Variants in TRIM51 observed in about 807,000 individuals in gnomAD.
TRIM51 encodes tripartite motif-containing 51.
Under a neutral mutation model 32.7 loss-of-function variants are expected in TRIM51, and 23 were observed. That is an observed-to-expected ratio of 0.70 (90% confidence interval 0.51 to 1.00). The LOEUF is 1.00. Among genes scored for constraint, TRIM51 ranks in the 50% least tolerant of loss-of-function variants. The pLI is 0.00. For missense variants in TRIM51, 592 were observed against 539.2 expected (o/e 1.10, Z -0.97); for synonymous variants, 177 against 181.9 (o/e 0.97, Z 0.22).
chr11:55,888,133 G>A lies in TRIM51; in HGVS notation c.609G>A (p.Lys203=). The A allele has an allele frequency of 1.2e-6, 2 of 1,613,718 alleles. No homozygotes were observed. The highest frequency in any genetic ancestry group is 1.7e-6 in the Non-Finnish European group (2 of 1,179,692). Residue 203 remains lysine, a synonymous_variant, in exon 4 of 7, where the codon AAG becomes AAA. Transcript: ENST00000449290. ...EEQHHLERLR[K]EGEDIFQQLN... The stretch of plus-strand genomic sequence containing the variant: ...AACATCACTTGGAAAGGCTGCGAAA[G>A]GAGGGCGAGGACATTTTTCAGCAAC...
chr11:55,885,908 G>A (rs965059714), intron 2 of TRIM51, 69 bp downstream of exon 2: 62 of 1,605,266 alleles, frequency 3.9e-5, no homozygotes, highest in Non-Finnish European at 4.9e-5. Flanking sequence ...TATTTCCTTC[G>A]AGATTGGATG....
chr11:55,886,463 C>T (rs1332597087), intron 3 of TRIM51, among the ~76,000 whole-genome samples: 1 of 152,116 alleles, frequency 6.6e-6, no homozygotes, highest in Non-Finnish European at 1.5e-5. Flanking sequence ...ATAGCAATAC[C>T]CCAGCAAATA....
At position 55,891,312 on chromosome 11, in the gene TRIM51, A is replaced by G. The variant is rs763697487; in HGVS notation, c.1039A>G (p.Met347Val). ...TSGKYYWEVH[M>V]GDSWNWAFGV... ...TGGCAAATATTATTGGGAGGTTCAT[A>G]TGGGGGACTCTTGGAATTGGGCTTT... The change falls in exon 7 of 7, where the codon ATG (methionine) becomes GTG (valine). Residue 347 changes from methionine (M) to valine (V), a missense_variant. Transcript: ENST00000449290. The G allele has an allele frequency of 5.6e-6, 9 of 1,611,078 alleles. No homozygotes were observed. The highest frequency in any genetic ancestry group is 4.0e-5 in the African/African-American group (3 of 74,824).
At position 55,888,139 on chromosome 11, in the gene TRIM51, C is replaced by A. The variant is rs141719000; in HGVS notation, c.615C>A (p.Gly205=). 6 of 1,613,588 alleles carry A rather than the reference C, an allele frequency of 3.7e-6. No individual in the cohort carries two copies. Among genetic ancestry groups the A allele is most frequent in the Non-Finnish European group, 4.2e-6 (5 of 1,179,662 alleles). The change falls in exon 4 of 7, where the codon GGC becomes GGA. Residue 205 remains glycine (G), a synonymous_variant. Transcript: ENST00000449290. ...ACTTGGAAAGGCTGCGAAAGGAGGGCGAGGACATTTTTCAGCAACTCAATG... is the reference window on the plus strand; with the variant it reads ...ACTTGGAAAGGCTGCGAAAGGAGGGAGAGGACATTTTTCAGCAACTCAATG... The part of the protein sequence containing the change: ...QHHLERLRKE[G]EDIFQQLNES...
At chr11:55,887,035 T>C (rs1445270363) in intron 3 of TRIM51, among the ~76,000 whole-genome samples, 2 of 151,824 alleles carry the variant, frequency 1.3e-5, no homozygotes, top group African/African-American at 2.4e-5. Flanking sequence ...GAAAAGCAAA[T>C]GGTCACCATG....
intron 5 of TRIM51, among the ~76,000 whole-genome samples, chr11:55,889,629 G>A (rs534672608): frequency 4.6e-5 from 7 of 152,148 alleles, no homozygotes; most frequent in Admixed American, 6.6e-5. Context: ...GTGATTTCAG[G>A]AATTTCTGGT....
chr11:55,891,497 A>T lies in TRIM51; in HGVS notation c.1224A>T (p.Thr408=). 6.2e-7 allele frequency: 1 copy of T among 1,613,552 alleles called. No homozygotes were observed. The highest frequency in any genetic ancestry group is 8.5e-7 in the Non-Finnish European group (1 of 1,179,738). ...AATATGTTCCAAGACCTACCAGCAC[A>T]GTAGGATTATTCCTGGATTGTGAAG... ...VVQYVPRPTS[T]VGLFLDCEGR... is the part of the protein sequence containing the mutation. The change falls in exon 7 of 7, where the codon ACA becomes ACT. Residue 408 remains threonine (T), a synonymous_variant. Transcript: ENST00000449290.
intron 5 of TRIM51, among the ~76,000 whole-genome samples, 191 bp from the exon 6 acceptor site, chr11:55,889,751 T>C (rs1359981915): frequency 1.3e-5 from 2 of 152,232 alleles, no homozygotes; most frequent in African/African-American, 2.4e-5. Context: ...CTCAGTCAGA[T>C]AGACTTTTCC....
At chr11:55,886,818 C>T (rs1196350212) in intron 3 of TRIM51, among the ~76,000 whole-genome samples, 1 of 151,992 alleles carries the variant, frequency 6.6e-6, no homozygotes, top group African/African-American at 2.4e-5. Flanking sequence ...AAGGAGAAGT[C>T]TAAGGACTTG....
intron 4 of TRIM51, among the ~76,000 whole-genome samples, chr11:55,888,677 A>G (rs532714929): frequency 6.6e-6 from 1 of 152,280 alleles, no homozygotes; most frequent in African/African-American, 2.4e-5. Flanking sequence ...TTTTGGTAAC[A>G]GGGCTTAGGG....
intron 2 of TRIM51, 37 bp from the exon 3 acceptor site, chr11:55,886,086 G>A (rs754972454): frequency 5.7e-6 from 9 of 1,581,378 alleles, no homozygotes; most frequent in African/African-American, 4.1e-5. Flanking sequence ...ATACTTTATT[G>A]TCCTCACTTG....
In TRIM51 at chr11:55,889,893, T is replaced by C. The variant is rs529890729; in HGVS notation, c.762-49T>C. 2.8e-4 allele frequency: 371 copies of C among 1,320,518 alleles called. No homozygotes were observed. In the African/African-American group the frequency reaches 4.9e-3, roughly 17 times the overall value. 81.8% of individuals were successfully genotyped at this position (1,320,518 alleles called of 1,614,324 possible). ...TTTTAAATAAGAGTGGTGTTTTTTATGTATTTTTTTTGGCTGTAGATGTGA... is the reference window on the plus strand; with the variant it reads ...TTTTAAATAAGAGTGGTGTTTTTTACGTATTTTTTTTGGCTGTAGATGTGA... On this transcript the variant is annotated intron_variant, in intron 5 of 6. Coordinates refer to ENST00000449290, the MANE Select transcript of TRIM51 (RefSeq NM_032681.4).
rs764457850 is a variant in TRIM51, at chr11:55,891,498, G to T, written c.1225G>T (p.Val409Leu). The T allele has an allele frequency of 1.2e-5, 19 of 1,613,432 alleles. No individual in the cohort carries two copies. The highest frequency in any genetic ancestry group is 1.2e-5 in the Non-Finnish European group (14 of 1,179,746). ...ATATGTTCCAAGACCTACCAGCACA[G>T]TAGGATTATTCCTGGATTGTGAAGG... ...VQYVPRPTST[V>L]GLFLDCEGRT... The change falls in exon 7 of 7, where the codon GTA becomes TTA. Residue 409 changes from valine (V) to leucine (L), a missense_variant. Coordinates refer to ENST00000449290, the MANE Select transcript of TRIM51 (RefSeq NM_032681.4).
At chr11:55,887,301 G>GTATATATATA (rs35687091) in intron 3 of TRIM51, among the ~76,000 whole-genome samples, 1 of 141,798 alleles carries the variant, frequency 7.1e-6, no homozygotes, top group African/African-American at 2.6e-5. Flanking sequence ...CTGGATGTTG[G>GTATATATATA]TATATATATA....
chr11:55,888,372 A>G, intron 4 of TRIM51, 110 bp downstream of exon 4: 1 of 867,596 alleles, frequency 1.2e-6, no homozygotes, highest in Non-Finnish European at 1.9e-6. Flanking sequence ...GTTTCCAAAA[A>G]CACGATTCCA....
rs954319667 is a variant in TRIM51, at chr11:55,891,046, A to G, written c.860-87A>G. 1.8e-5 allele frequency: 20 copies of G among 1,124,736 alleles called. No individual in the cohort carries two copies. The Admixed American group carries it at 5.2e-4, about 29-fold the overall frequency. The allele number at this position is 1,124,736 out of a possible 1,614,324, so 69.7% of individuals were successfully genotyped here. On this transcript the variant is annotated intron_variant, in intron 6 of 6. Coordinates refer to ENST00000449290, the MANE Select transcript of TRIM51 (RefSeq NM_032681.4). ...GTAACTTCAAATTTCTTGGTAAAGTAAACTCTTGGTAGAACAACATTTCCC... is the reference window on the plus strand; with the variant it reads ...GTAACTTCAAATTTCTTGGTAAAGTGAACTCTTGGTAGAACAACATTTCCC...
At chr11:55,887,124 C>G (rs1330165630) in intron 3 of TRIM51, among the ~76,000 whole-genome samples, 2 of 151,816 alleles carry the variant, frequency 1.3e-5, no homozygotes, top group African/African-American at 4.8e-5. Context: ...AGAAAAGGAG[C>G]ACAGAGGCCA....
At chr11:55,888,937 T>G (rs1486990558) in intron 4 of TRIM51, 42 bp from the exon 5 acceptor site, 4 of 1,595,334 alleles carry the variant, frequency 2.5e-6, no homozygotes, top group Non-Finnish European at 2.6e-6. Context: ...AAGATGCATC[T>G]TGTGGAAAGC....
chr11:55,889,346 A>G (rs1001771010), intron 5 of TRIM51, among the ~76,000 whole-genome samples: 1 of 152,196 alleles, frequency 6.6e-6, no homozygotes, highest in Non-Finnish European at 1.5e-5. Context: ...TACATTTTCT[A>G]CATGGCTACA....
Sources: allele counts gnomAD v4.1 joint callset (sites outside exome capture counted in the v4.1 genomes callset), GRCh38; gene constraint gnomAD v4.1.1; transcripts MANE v1.5; gene names NCBI Gene and HGNC (gene_info 2026-07-23, HGNC 2026-07-21).